KDR: variants seen among roughly 807,000 people sequenced by gnomAD.
KDR encodes the protein vascular endothelial growth factor receptor 2.
KDR carries 43 observed loss-of-function variants against 160.9 expected under a neutral mutation model. That is an observed-to-expected ratio of 0.27 (90% CI 0.21 to 0.34). The LOEUF (loss-of-function observed/expected upper bound fraction) is 0.34, where lower values mean the gene tolerates loss of function less well. Among genes scored for constraint, KDR ranks in the 10% least tolerant of loss-of-function variants. The pLI, the probability that KDR is intolerant of heterozygous loss-of-function variation, is 1.00. For synonymous variants in KDR, 617 were observed against 600.1 expected (o/e 1.03, Z -0.41); for missense variants, 1,469 against 1,666.4 (o/e 0.88, Z 2.06).
rs555336295 is a variant in KDR at position 55,087,279 on chromosome 4, C to A, written c.3662+328G>T. ...TAATTCACATTAATAAAAGCATACACGGGGATAATTTAAATGCAGATGTCT... is the reference window on the plus strand; with the variant it reads ...TAATTCACATTAATAAAAGCATACAAGGGGATAATTTAAATGCAGATGTCT... On this transcript the variant is annotated intron_variant, in intron 27 of 29. Transcript: ENST00000263923. Among the ~76,000 whole-genome samples, 7 of 152,332 alleles carry A rather than the reference C, an allele frequency of 4.6e-5. No individual in the cohort carries two copies. In the South Asian group the frequency reaches 1.4e-3, roughly 32 times the overall value.
intron 3 of KDR, among the ~76,000 whole-genome samples, chr4:55,116,482 G>A (rs1720739493): frequency 6.6e-6 from 1 of 151,530 alleles, no homozygotes. Context: ...TTAACATGCT[G>A]CTGGAAACCT....
chr4:55,082,101 A>T lies in KDR; in HGVS notation c.3763-60T>A, dbSNP rs1719750068. The T allele has an allele frequency of 8.6e-6, 10 of 1,157,372 alleles. No individual in the cohort carries two copies. In the East Asian group the frequency reaches 2.3e-4, roughly 27 times the overall value. 71.7% of individuals were successfully genotyped at this position (1,157,372 alleles called of 1,614,324 possible). On this transcript the variant is annotated intron_variant, in intron 28 of 29. Transcript: ENST00000263923. Reference sequence around the variant, plus strand: ...GAGCATATAAAATGACCAACTATTTAATTAAGCTGATTTCTCAACCCATCT... The same window carrying T: ...GAGCATATAAAATGACCAACTATTTTATTAAGCTGATTTCTCAACCCATCT...
At position 55,118,604 on chromosome 4, in the gene KDR, C is replaced by T. The variant is rs2110034333; in HGVS notation, c.358G>A (p.Asp120Asn). The change falls in exon 3 of 30, where the codon GAT (aspartate) becomes AAT (asparagine). Residue 120 changes from aspartate (D) to asparagine (N), a missense_variant and splice_region_variant. Physicochemically the swap from Asp to Asn is conservative, Grantham distance 23. This residue lies in a region of KDR where 792 missense variants were observed against 840.9 expected (regional missense o/e 0.94). Coordinates refer to ENST00000263923, the MANE Select transcript of KDR (RefSeq NM_002253.4). ...AAATGAATTTTATTTCACCACTTAC[C>T]TTGAACATAGACATAAATGACCGAG... ...LASVIYVYVQDYRSPFIASVS... is the reference protein window; with the variant it reads ...LASVIYVYVQNYRSPFIASVS... 1 of 1,611,746 alleles carries T rather than the reference C, an allele frequency of 6.2e-7. No homozygotes were observed. The highest frequency in any genetic ancestry group is 8.5e-7 in the Non-Finnish European group (1 of 1,177,842).
Position 55,104,687 on chromosome 4 carries a change from T to C in KDR, c.1943A>G (p.Lys648Arg), listed in dbSNP as rs1720395631. Residue 648 changes from lysine (K) to arginine (R), a missense_variant, in exon 13 of 30, where the codon AAG becomes AGG. This residue lies in a region of KDR where 792 missense variants were observed against 840.9 expected (regional missense o/e 0.94). Coordinates refer to ENST00000263923, the MANE Select transcript of KDR (RefSeq NM_002253.4). ...GDYVCLAQDR[K>R]TKKRHCVVRQ... Reference sequence around the variant, plus strand: ...GACCACGCAATGTCTTTTCTTGGTCTTCCTGTCTTGAGCAAGGCAGACATA... The same window carrying C: ...GACCACGCAATGTCTTTTCTTGGTCCTCCTGTCTTGAGCAAGGCAGACATA... The C allele has an allele frequency of 6.2e-7, 1 of 1,613,862 alleles. No individual in the cohort carries two copies. The highest frequency in any genetic ancestry group is 1.1e-5 in the South Asian group (1 of 91,074).
chr4:55,102,074 C>G (rs2110020855), intron 14 of KDR, 46 bp from the exon 15 acceptor site: 1 of 1,612,672 alleles, frequency 6.2e-7, no homozygotes, highest in Non-Finnish European at 8.5e-7. Flanking sequence ...ATGATGTAGT[C>G]TGTGAAGTTT....
rs765745160 is a variant in KDR at position 55,092,683 on chromosome 4, G to A, written c.3003C>T (p.Thr1001=). The part of the protein sequence containing the change: ...APEDLYKDFL[T]LEHLICYSFQ... ...AGCTGTAACAGATGAGATGCTCCAA[G>A]GTCAGGAAGTCCTTATACAGATCTT... Residue 1001 remains threonine, a synonymous_variant, in exon 22 of 30, where the codon ACC becomes ACT. Transcript: ENST00000263923. 1.2e-6 allele frequency: 2 copies of A among 1,613,876 alleles called. No homozygotes were observed. The highest frequency in any genetic ancestry group is 1.7e-6 in the Non-Finnish European group (2 of 1,179,792).
rs1054595798 is a variant in KDR at position 55,100,474 on chromosome 4, G to A, written c.2266+1423C>T. 2.6e-5 allele frequency among the ~76,000 whole-genome samples: 4 copies of A among 152,212 alleles called. No individual in the cohort carries two copies. The East Asian group carries it at 7.7e-4, about 29-fold the overall frequency. ...TCTGCCTTTCTTAGCATTCACTCCA[G>A]GTAAGAAGTAACTATAATCTCTGTG... is the stretch of plus-strand genomic sequence containing the variant. On this transcript the variant is annotated intron_variant, in intron 15 of 29. Coordinates refer to ENST00000263923, the MANE Select transcript of KDR (RefSeq NM_002253.4).
In KDR at chr4:55,104,640, T is replaced by A; in HGVS notation, c.1987+3A>T. 2 of 1,612,464 alleles carry A rather than the reference T, an allele frequency of 1.2e-6. No homozygotes were observed. The highest frequency in any genetic ancestry group is 2.7e-5 in the African/African-American group (2 of 74,998). ...GCACAATGATCCAGAATTGTCTCCC[T>A]ACCTAGGACTGTGAGCTGCCTGACC... On this transcript the variant is annotated splice_donor_region_variant and intron_variant, in intron 13 of 29. Coordinates refer to ENST00000263923, the MANE Select transcript of KDR (RefSeq NM_002253.4).
In KDR at chr4:55,088,851, G is replaced by C. The variant is rs1396992233; in HGVS notation, c.3510+17C>G. On this transcript the variant is annotated intron_variant, in intron 26 of 29. Transcript: ENST00000263923. ...TAAGTACTCTTTGTAGGTGCTTCTTGGATGGAGGTGACAAACCTGCTGAGC... is the reference window on the plus strand; with the variant it reads ...TAAGTACTCTTTGTAGGTGCTTCTTCGATGGAGGTGACAAACCTGCTGAGC... The C allele has an allele frequency of 2.5e-6, 4 of 1,569,014 alleles. No homozygotes were observed. In the South Asian group the frequency reaches 4.4e-5, roughly 17 times the overall value.
chr4:55,080,880 C>T (rs975153571), intron 29 of KDR, among the ~76,000 whole-genome samples: 3 of 152,180 alleles, frequency 2.0e-5, no homozygotes, highest in Non-Finnish European at 4.4e-5. Flanking sequence ...TGTTTTTTCC[C>T]GGTAATAGGT....
In KDR at chr4:55,115,334, C is replaced by A; in HGVS notation, c.436G>T (p.Val146Leu). ...VYITENKNKT[V>L]VIPCLGSISN... is the part of the protein sequence containing the mutation. ...ATGGACCCGAGACATGGAATCACCA[C>A]AGTTTTGTTTTTGTTCTCAGTAATG... The change falls in exon 4 of 30, where the codon GTG becomes TTG. Residue 146 changes from valine to leucine, a missense_variant. This residue lies in a region of KDR where 792 missense variants were observed against 840.9 expected (regional missense o/e 0.94). Transcript: ENST00000263923. The A allele has an allele frequency of 6.2e-7, 1 of 1,602,314 alleles. No individual in the cohort carries two copies. The highest frequency in any genetic ancestry group is 8.6e-7 in the Non-Finnish European group (1 of 1,169,478).
In KDR at chr4:55,121,117, T is replaced by C. The variant is rs1720863030; in HGVS notation, c.141A>G (p.Thr47=). The change falls in exon 2 of 30, where the codon ACA becomes ACG. Residue 47 remains threonine, a synonymous_variant. Coordinates refer to ENST00000263923, the MANE Select transcript of KDR (RefSeq NM_002253.4). ...QKDILTIKAN[T]TLQITCRGQR... is the part of the protein sequence containing the mutation. ...CTTACCTGCAAGTAATTTGAAGAGT[T>C]GTATTAGCCTTAATTGTAAGTATGT... The C allele has an allele frequency of 6.2e-7, 1 of 1,612,334 alleles. No homozygotes were observed.
intron 27 of KDR, among the ~76,000 whole-genome samples, chr4:55,085,575 C>CCTCT (rs1283062236): frequency 3.0e-4 from 46 of 152,312 alleles, no homozygotes; most frequent in African/African-American, 1.0e-3. Flanking sequence ...TGTGCAAATG[C>CCTCT]CTCTATCTGC....
intron 9 of KDR, among the ~76,000 whole-genome samples, chr4:55,109,909 A>T (rs1720534341): frequency 6.6e-6 from 1 of 152,216 alleles, no homozygotes; most frequent in Admixed American, 6.5e-5. Context: ...CAAAAAGGAA[A>T]AAAGAAAAGC....
chr4:55,091,335 C>T (rs1720007167), intron 22 of KDR, among the ~76,000 whole-genome samples: 1 of 152,134 alleles, frequency 6.6e-6, no homozygotes, highest in African/African-American at 2.4e-5. Context: ...ACTTTTCCCC[C>T]CAAACAAAAA....
intron 3 of KDR, among the ~76,000 whole-genome samples, chr4:55,117,684 T>A (rs1429868909): frequency 2.0e-5 from 3 of 152,214 alleles, no homozygotes. Flanking sequence ...GTCTAAGTCA[T>A]CTTCACCTGT....
intron 15 of KDR, among the ~76,000 whole-genome samples, chr4:55,101,178 T>A (rs866851784): frequency 6.6e-6 from 1 of 152,134 alleles, no homozygotes; most frequent in Non-Finnish European, 1.5e-5. Flanking sequence ...TCCAAATAAA[T>A]ATAAAGGCAT....
intron 2 of KDR, among the ~76,000 whole-genome samples, chr4:55,119,104 G>A (rs1383597891): frequency 6.6e-6 from 1 of 152,044 alleles, no homozygotes; most frequent in Non-Finnish European, 1.5e-5. Context: ...AGCTACTCAG[G>A]AGGCTGAGGC....
At chr4:55,110,000 A>G (rs1243254256) in intron 9 of KDR, among the ~76,000 whole-genome samples, 1 of 152,156 alleles carries the variant, frequency 6.6e-6, no homozygotes, top group Non-Finnish European at 1.5e-5. Flanking sequence ...ATCAACTACA[A>G]CATCAAACTA....
Sources: gnomAD v4.1 joint callset for allele counts (sites outside exome capture counted in the v4.1 genomes callset) on GRCh38, gnomAD v4.1.1 for gene constraint, gnomAD v4.1.1 regional missense constraint, MANE v1.5 for transcripts, NCBI Gene and HGNC (gene_info 2026-07-23, HGNC 2026-07-21) for gene names.